ADCY2: variants seen among roughly 807,000 people sequenced by gnomAD.
ADCY2 encodes adenylate cyclase 2, also known as adenylate cyclase type 2.
Under a neutral mutation model 125.2 loss-of-function variants are expected in ADCY2, and 31 were observed. That is an observed-to-expected ratio of 0.25 (90% CI 0.19 to 0.33). ADCY2 has a LOEUF of 0.33. Among genes scored for constraint, ADCY2 ranks in the 10% least tolerant of loss-of-function variants. The pLI, the probability that ADCY2 is intolerant of heterozygous loss-of-function variation, is 1.00. For synonymous variants in ADCY2, 512 were observed against 548.4 expected, an observed-to-expected ratio of 0.93 and a Z score of 0.93; for missense variants, 904 against 1,418.2, an observed-to-expected ratio of 0.64 and a Z score of 5.82.
At chr5:7,432,415 G>C (rs77782324) in intron 2 of ADCY2, among the ~76,000 whole-genome samples, 2 of 152,158 alleles carry the variant, frequency 1.3e-5, no homozygotes, top group Admixed American at 1.3e-4. Flanking sequence ...TCCTTCTGGG[G>C]CTTCAGGGGT....
At chr5:7,781,209 G>A (rs990301674) in intron 18 of ADCY2, among the ~76,000 whole-genome samples, 5 of 152,146 alleles carry the variant, frequency 3.3e-5, no homozygotes, top group African/African-American at 1.2e-4. Flanking sequence ...GAAAGAGAGA[G>A]GGAGGAGAGA....
chr5:7,683,819 T>G (rs1740420488), intron 4 of ADCY2, among the ~76,000 whole-genome samples: 1 of 152,238 alleles, frequency 6.6e-6, no homozygotes, highest in Admixed American at 6.5e-5. Context: ...GTTTTGCTCC[T>G]TGGGACCTTT....
At chr5:7,470,994 C>T (rs1339030767) in intron 2 of ADCY2, among the ~76,000 whole-genome samples, 1 of 151,792 alleles carries the variant, frequency 6.6e-6, no homozygotes, top group East Asian at 1.9e-4. Context: ...CATGAATTTG[C>T]TCTTTTATCA....
At chr5:7,644,787 G>A (rs112383886) in intron 4 of ADCY2, among the ~76,000 whole-genome samples, 35 of 151,878 alleles carry the variant, frequency 2.3e-4, no homozygotes, top group Middle Eastern at 6.8e-3. Context: ...TGTATATATC[G>A]TAGTTTCTAT....
intron 2 of ADCY2, among the ~76,000 whole-genome samples, chr5:7,452,412 A>G (rs1030970326): frequency 1.3e-5 from 2 of 152,184 alleles, no homozygotes; most frequent in African/African-American, 4.8e-5. Flanking sequence ...GTTTTATACA[A>G]GTTGCTTCAA....
At chr5:7,815,935 C>G (rs1205767724) in intron 22 of ADCY2, among the ~76,000 whole-genome samples, 1 of 152,202 alleles carries the variant, frequency 6.6e-6, no homozygotes, top group African/African-American at 2.4e-5. Context: ...GTTGGTCTCT[C>G]CTGAGGCCTC....
intron 3 of ADCY2, among the ~76,000 whole-genome samples, chr5:7,523,743 T>A (rs1305663257): frequency 1.3e-5 from 2 of 152,220 alleles, no homozygotes; most frequent in African/African-American, 2.4e-5. Context: ...TGTATATAAA[T>A]TAGAATGTTA....
intron 2 of ADCY2, among the ~76,000 whole-genome samples, chr5:7,469,965 A>G (rs1319529692): frequency 6.6e-6 from 1 of 151,714 alleles, no homozygotes; most frequent in East Asian, 1.9e-4. Flanking sequence ...TCTTATTCTC[A>G]AAATTTACAT....
intron 3 of ADCY2, among the ~76,000 whole-genome samples, chr5:7,618,470 G>A (rs1737839638): frequency 6.6e-6 from 1 of 152,168 alleles, no homozygotes; most frequent in African/African-American, 2.4e-5. Flanking sequence ...AATAGAAGGG[G>A]AATACTCCAC....
chr5:7,506,687 C>T (rs1743826584), intron 2 of ADCY2, among the ~76,000 whole-genome samples: 1 of 151,242 alleles, frequency 6.6e-6, no homozygotes, highest in Non-Finnish European at 1.5e-5. Flanking sequence ...AGAATAAATC[C>T]TTGATTTAAT....
chr5:7,724,489 C>A, intron 12 of ADCY2, 56 bp from the exon 13 acceptor site: 1 of 1,298,742 alleles, frequency 7.7e-7, no homozygotes, highest in Non-Finnish European at 1.1e-6. Context: ...AAAAATAGTT[C>A]CAGATGTTTG....
chr5:7,534,366 G>A (rs532953095), intron 3 of ADCY2, among the ~76,000 whole-genome samples: 7 of 152,306 alleles, frequency 4.6e-5, no homozygotes, highest in Non-Finnish European at 1.0e-4. Flanking sequence ...ATTCCCACAT[G>A]GAGAAGAGGA....
intron 4 of ADCY2, among the ~76,000 whole-genome samples, chr5:7,637,386 C>T (rs994028090): frequency 1.5e-5 from 2 of 134,208 alleles, no homozygotes; most frequent in African/African-American, 5.7e-5. Context: ...GCCGAGATAT[C>T]ACAACACTGC....
intron 4 of ADCY2, chr5:7,658,348 CT>C (rs1739409544): frequency 6.6e-6 from 1 of 151,718 alleles, no homozygotes; most frequent in African/African-American, 2.4e-5. Context: ...GTCATGTTCA[CT>C]TGCTTTTTTT....
chr5:7,595,524 A>G (rs571566489), intron 3 of ADCY2, among the ~76,000 whole-genome samples: 5 of 152,280 alleles, frequency 3.3e-5, no homozygotes, highest in African/African-American at 1.2e-4. Context: ...TTTATCTCAC[A>G]TATCTTCTTG....
intron 18 of ADCY2, among the ~76,000 whole-genome samples, chr5:7,778,872 C>G (rs147721117): frequency 6.6e-6 from 1 of 152,216 alleles, no homozygotes; most frequent in Non-Finnish European, 1.5e-5. Flanking sequence ...TACCCTGGGG[C>G]AGATGGTCTG....
At chr5:7,559,208 G>A (rs1448928252) in intron 3 of ADCY2, among the ~76,000 whole-genome samples, 1 of 152,150 alleles carries the variant, frequency 6.6e-6, no homozygotes, top group Non-Finnish European at 1.5e-5. Flanking sequence ...CTAGTTTTGT[G>A]AAGAATCTCA....
intron 3 of ADCY2, among the ~76,000 whole-genome samples, chr5:7,582,285 C>T (rs2126613839): frequency 6.6e-6 from 1 of 152,132 alleles, no homozygotes; most frequent in East Asian, 1.9e-4. Flanking sequence ...TACCTGAAAA[C>T]AACTGTTAAA....
chr5:7,556,266 A>T (rs142321341), intron 3 of ADCY2, among the ~76,000 whole-genome samples: 1 of 152,210 alleles, frequency 6.6e-6, no homozygotes, highest in East Asian at 1.9e-4. Flanking sequence ...GTCAGTGAAT[A>T]GTGTAGAGAA....
Sources: gnomAD v4.1 joint callset for allele counts (sites outside exome capture counted in the v4.1 genomes callset) on GRCh38, gnomAD v4.1.1 for gene constraint, MANE v1.5 for transcripts, NCBI Gene and HGNC (gene_info 2026-07-23, HGNC 2026-07-21) for gene names.